The following CTU2 variants were observed in gnomAD, a reference collection of about 807,000 sequenced individuals.
The protein encoded by CTU2 is cytosolic thiouridylase subunit 2.
A neutral mutation model predicts 64.1 loss-of-function variants in CTU2; 80 were observed. That is an observed-to-expected ratio of 1.25 (90% CI 1.04 to 1.50). CTU2 has a LOEUF of 1.50. Among genes scored for constraint, CTU2 ranks in the 40% most tolerant of loss-of-function variants. The probability of loss-of-function intolerance (pLI) is 0.00; values close to 1 mark genes in which losing one functional copy is unlikely to be tolerated. For missense variants in CTU2, 1,110 were observed against 690.2 expected (o/e 1.61, Z -6.81); for synonymous variants, 482 against 285.3 (o/e 1.69, Z -6.95).
Position 88,712,795 on chromosome 16 carries a change from C to G in CTU2, c.627C>G (p.Asp209Glu). 1.2e-6 allele frequency: 2 copies of G among 1,607,692 alleles called. No individual in the cohort carries two copies. The highest frequency in any genetic ancestry group is 2.2e-5 in the South Asian group (2 of 90,624). The change falls in exon 7 of 15, where the codon GAC becomes GAG. Residue 209 changes from aspartate (D) to glutamate (E), a missense_variant. Physicochemically the swap from Asp to Glu is conservative, Grantham distance 45. Transcript: ENST00000453996. The part of the protein sequence containing the change: ...GEEQPPQPPL[D>E]PQNLARPPAP... ...AACAGCCACCCCAGCCCCCGCTGGA[C>G]CCCCAGAACCTGGCAAGACCGCCTG...
At chr16:88,707,249 C>T (rs369258891) in intron 2 of CTU2, 39 bp downstream of exon 2, 143 of 1,582,650 alleles carry the variant, frequency 9.0e-5, no homozygotes, top group African/African-American at 1.7e-4. Flanking sequence ...GCAAACATGG[C>T]CTCGCTAGCA....
At chr16:88,707,076 A>G in intron 1 of CTU2, 60 bp from the exon 2 acceptor site, 4 of 1,556,352 alleles carry the variant, frequency 2.6e-6, no homozygotes, top group Middle Eastern at 1.7e-4. Flanking sequence ...CCCAAAGCCC[A>G]CTAGGCGTGG....
Position 88,713,333 on chromosome 16 carries a change from GGCCCGA to G in CTU2, c.764_769del (p.Arg255_Ala256del). Reference sequence around the variant, plus strand: ...TTAGGACCCACCTGATCCTCCACATGGCCCGAGCCCACGGCTACTCCAAGGTCATGA... The same window carrying G: ...TTAGGACCCACCTGATCCTCCACATGGCCCACGGCTACTCCAAGGTCATGA... On this transcript the variant is annotated inframe_deletion, in exon 8 of 15. Transcript: ENST00000453996. 1 of 1,593,904 alleles carries G rather than the reference GGCCCGA, an allele frequency of 6.3e-7. No homozygotes were observed.
chr16:88,710,483 A>C, intron 4 of CTU2: 1 of 576,782 alleles, frequency 1.7e-6, no homozygotes. Context: ...TGTGCGGCCC[A>C]CTCTCAGATG....
rs751998170 is a variant in CTU2, at chr16:88,713,370, G to A, written c.796G>A (p.Asp266Asn). 1 of 1,605,020 alleles carries A rather than the reference G, an allele frequency of 6.2e-7. No homozygotes were observed. The highest frequency in any genetic ancestry group is 1.1e-5 in the South Asian group (1 of 90,316). The change falls in exon 8 of 15, where the codon GAC becomes AAC. Residue 266 changes from aspartate (D) to asparagine (N), a missense_variant. Coordinates refer to ENST00000453996, the MANE Select transcript of CTU2 (RefSeq NM_001012759.3). Reference sequence around the variant, plus strand: ...CGGCTACTCCAAGGTCATGACTGGGGACAGCTGCACACGCTTGGCTATCAA... The same window carrying A: ...CGGCTACTCCAAGGTCATGACTGGGAACAGCTGCACACGCTTGGCTATCAA... Reference protein sequence around the residue: ...AHGYSKVMTGDSCTRLAIKLM... With the variant: ...AHGYSKVMTGNSCTRLAIKLM...
In CTU2 at chr16:88,714,183, C is replaced by T. The variant is rs1477911684; in HGVS notation, c.1053C>T (p.Leu351=). 1.2e-6 allele frequency: 2 copies of T among 1,612,754 alleles called. No homozygotes were observed. The highest frequency in any genetic ancestry group is 2.2e-5 in the East Asian group (1 of 44,860). The change falls in exon 10 of 15, where the codon CTC becomes CTT. Residue 351 remains leucine, a synonymous_variant. Transcript: ENST00000453996. ...ACCGGCTGATGGAGGCCTTCATCCTCAGGCTGCAGACCCAGTTCCCCTCCA... is the reference window on the plus strand; with the variant it reads ...ACCGGCTGATGGAGGCCTTCATCCTTAGGCTGCAGACCCAGTTCCCCTCCA... ...SIHRLMEAFI[L]RLQTQFPSTV...
At position 88,710,064 on chromosome 16, in the gene CTU2, G is replaced by T. The variant is rs1394230982; in HGVS notation, c.222+48G>T. 3 of 1,603,478 alleles carry T rather than the reference G, an allele frequency of 1.9e-6. No individual in the cohort carries two copies. The African/African-American group carries it at 4.0e-5, about 21-fold the overall frequency. ...CTGACTGAGCAGCCTGGCCCCTCGA[G>T]GTCCCTGCTTGTCCCTCCCACAGGC... On this transcript the variant is annotated intron_variant, in intron 3 of 14. Transcript: ENST00000453996.
rs200366835 is a variant in CTU2, at chr16:88,714,575, C to G, written c.1202-12C>G. The G allele has an allele frequency of 1.9e-6, 3 of 1,612,622 alleles. No individual in the cohort carries two copies. The highest frequency in any genetic ancestry group is 1.7e-4 in the Middle Eastern group (1 of 6,060). On this transcript the variant is annotated splice_polypyrimidine_tract_variant and intron_variant, in intron 11 of 14. Coordinates refer to ENST00000453996, the MANE Select transcript of CTU2 (RefSeq NM_001012759.3). ...GCAGCCCCAGGCTCCGTCACCCCCT[C>G]TCTGCTTGCAGACAGTGCCACGGCT...
At chr16:88,709,881 GA>G in intron 2 of CTU2, 56 bp from the exon 3 acceptor site, 1 of 1,471,486 alleles carries the variant, frequency 6.8e-7, no homozygotes, top group Non-Finnish European at 9.5e-7. Context: ...AGCGCCTCAG[GA>G]CGCTGCTCAC....
At chr16:88,707,099 C>T (rs1376753864) in intron 1 of CTU2, 37 bp from the exon 2 acceptor site, 6 of 1,601,820 alleles carry the variant, frequency 3.7e-6, no homozygotes, top group African/African-American at 1.3e-5. Flanking sequence ...AAGATGTGAT[C>T]TGTGTTTCTC....
At chr16:88,707,252 C>T (rs774786014) in intron 2 of CTU2, 42 bp downstream of exon 2, 6 of 1,569,620 alleles carry the variant, frequency 3.8e-6, no homozygotes, top group East Asian at 2.3e-5. Context: ...AACATGGCCT[C>T]GCTAGCAGAC....
rs148549191 is a variant in CTU2, at chr16:88,712,743, G to A, written c.575G>A (p.Gly192Asp). 5 of 1,608,978 alleles carry A rather than the reference G, an allele frequency of 3.1e-6. No homozygotes were observed. The highest frequency in any genetic ancestry group is 3.3e-5 in the Admixed American group (2 of 59,730). Residue 192 changes from glycine to aspartate, a missense_variant, in exon 7 of 15, where the codon GGT becomes GAT. Transcript: ENST00000453996. ...LQQQHVLGAG[G>D]GPGPTQGEEQ... Reference sequence around the variant, plus strand: ...CAGCAGCATGTGCTGGGGGCCGGGGGTGGTCCTGGCCCGACTCAAGGGGAG... The same window carrying A: ...CAGCAGCATGTGCTGGGGGCCGGGGATGGTCCTGGCCCGACTCAAGGGGAG...
At position 88,711,642 on chromosome 16, in the gene CTU2, G is replaced by A; in HGVS notation, c.290G>A (p.Ser97Asn). ...SMVWQVLEGL[S>N]QDSAKRLRFV... The stretch of plus-strand genomic sequence containing the variant: ...TGCTGCTTCTCCCTCTAGGGCCTGA[G>A]CCAAGATTCTGCCAAAAGACTGCGC... Residue 97 changes from serine (S) to asparagine (N), a missense_variant, in exon 5 of 15, where the codon AGC becomes AAC. Physicochemically the swap from Ser to Asn is conservative, Grantham distance 46. Transcript: ENST00000453996. 6.2e-7 allele frequency: 1 copy of A among 1,605,786 alleles called. No individual in the cohort carries two copies. Among genetic ancestry groups the A allele is most frequent in the Non-Finnish European group, 8.5e-7 (1 of 1,174,626 alleles).
chr16:88,707,296 C>G (rs1237685544), intron 2 of CTU2, 86 bp downstream of exon 2: 2 of 1,271,246 alleles, frequency 1.6e-6, no homozygotes, highest in Non-Finnish European at 1.1e-6. Flanking sequence ...TTTGTTAATT[C>G]TTTTTAAAAA....
chr16:88,710,051 C>A (rs766640977), intron 3 of CTU2, 35 bp downstream of exon 3: 1 of 1,607,940 alleles, frequency 6.2e-7, no homozygotes, highest in Non-Finnish European at 8.5e-7. Flanking sequence ...GACTGAGCAG[C>A]CTGGCCCCTC....
At chr16:88,708,307 C>T (rs988601296) in intron 2 of CTU2, among the ~76,000 whole-genome samples, 3 of 152,194 alleles carry the variant, frequency 2.0e-5, no homozygotes, top group East Asian at 3.9e-4. Context: ...TAGGAATCTA[C>T]ATCGAGCTGG....
In CTU2 at chr16:88,712,279, G is replaced by A. The variant is rs750573793; in HGVS notation, c.349G>A (p.Ala117Thr). 5.6e-6 allele frequency: 9 copies of A among 1,599,942 alleles called. No homozygotes were observed. The African/African-American group carries it at 9.4e-5, about 17-fold the overall frequency. The stretch of plus-strand genomic sequence containing the variant: ...TTTCTGCCTGGGTTTTTCAGAGGGA[G>A]CAGCCTGTGGCCAGAGCCTAGAGGA... ...VAGVIFVDEG[A>T]ACGQSLEERS... is the part of the protein sequence containing the mutation. Residue 117 changes from alanine to threonine, a missense_variant, in exon 6 of 15, where the codon GCA becomes ACA. Ala to Thr is a moderately conservative substitution (Grantham distance 58). Transcript: ENST00000453996.
chr16:88,709,387 G>A, intron 2 of CTU2: 1 of 153,670 alleles, frequency 6.5e-6, no homozygotes, highest in Non-Finnish European at 1.5e-5. Context: ...GCCCAGTTGA[G>A]CCCAGCACAC....
In CTU2 at chr16:88,712,310, C is replaced by T. The variant is rs777591780; in HGVS notation, c.380C>T (p.Ser127Leu). Residue 127 changes from serine to leucine, a missense_variant, in exon 6 of 15, where the codon TCA becomes TTA. By Grantham distance (145) the Ser-to-Leu change is moderately radical. Coordinates refer to ENST00000453996, the MANE Select transcript of CTU2 (RefSeq NM_001012759.3). Reference sequence around the variant, plus strand: ...TGTGGCCAGAGCCTAGAGGAGAGATCAAAGACCCTGGCCGAAGTGAAGCCC... The same window carrying T: ...TGTGGCCAGAGCCTAGAGGAGAGATTAAAGACCCTGGCCGAAGTGAAGCCC... ...AACGQSLEER[S>L]KTLAEVKPIL... 15 of 1,609,150 alleles carry T rather than the reference C, an allele frequency of 9.3e-6. No homozygotes were observed. The highest frequency in any genetic ancestry group is 1.3e-5 in the Non-Finnish European group (15 of 1,177,796).
Sources: allele counts gnomAD v4.1 joint callset (sites outside exome capture counted in the v4.1 genomes callset), GRCh38; gene constraint gnomAD v4.1.1; transcripts MANE v1.5; gene names NCBI Gene and HGNC (gene_info 2026-07-23, HGNC 2026-07-21).